MPRIP: variants seen among roughly 807,000 people sequenced by gnomAD.
MPRIP encodes myosin phosphatase Rho interacting protein.
In MPRIP, 59 loss-of-function variants were observed where a neutral mutation model predicts 234.9. The observed-to-expected ratio is 0.25, with a 90% CI of 0.20 to 0.31. MPRIP has a LOEUF of 0.31. Ranked by LOEUF, MPRIP falls within the 10% of genes least tolerant of loss-of-function variation. The pLI is 1.00. For synonymous variants in MPRIP, 1,144 were observed against 1,263.9 expected, an observed-to-expected ratio of 0.91 and a Z score of 2.01; for missense variants, 2,436 against 3,071.0, an observed-to-expected ratio of 0.79 and a Z score of 4.89.
chr17:17,184,729 C>T (rs1483042417), intron 23 of MPRIP, 94 bp from the exon 24 acceptor site: 12 of 907,920 alleles, frequency 1.3e-5, no homozygotes, highest in South Asian at 4.4e-5. Flanking sequence ...TGACTGATGC[C>T]GGCTCCACCA....
intron 11 of MPRIP, among the ~76,000 whole-genome samples, chr17:17,147,620 G>T (rs988212270): frequency 6.6e-6 from 1 of 152,218 alleles, no homozygotes; most frequent in Admixed American, 6.5e-5. Context: ...TCATTTTCCT[G>T]GCTGTGATGC....
intron 3 of MPRIP, among the ~76,000 whole-genome samples, chr17:17,080,316 A>G (rs2089433277): frequency 6.6e-6 from 1 of 152,218 alleles, no homozygotes. Flanking sequence ...TGCTCCTCAG[A>G]GCCACTCCCC....
rs1263276536 is a variant in MPRIP, at chr17:17,143,625, A to G, written c.1459A>G (p.Arg487Gly). Residue 487 changes from arginine to glycine, a missense_variant, in exon 9 of 24, where the codon AGA becomes GGA. By Grantham distance (125) the Arg-to-Gly change is moderately radical. This residue lies in a region of MPRIP where 1,998 missense variants were observed against 2,520.3 expected (regional missense o/e 0.79). Coordinates refer to ENST00000651222, the MANE Select transcript of MPRIP (RefSeq NM_001364716.4). ...ASASPLSPHR[R>G]AKSLDRRSTE... Reference sequence around the variant, plus strand: ...GGCTTCCCCCCTGTCTCCACACCGAAGAGCCAAGTCACTGGACAGGAGGTC... The same window carrying G: ...GGCTTCCCCCCTGTCTCCACACCGAGGAGCCAAGTCACTGGACAGGAGGTC... The G allele has an allele frequency of 6.2e-7, 1 of 1,606,346 alleles. No homozygotes were observed. Among genetic ancestry groups the G allele is most frequent in the African/African-American group, 1.3e-5 (1 of 74,672 alleles).
chr17:17,047,025 A>G (rs935282843), intron 1 of MPRIP, among the ~76,000 whole-genome samples: 1 of 152,094 alleles, frequency 6.6e-6, no homozygotes, highest in African/African-American at 2.4e-5. Context: ...TAAAAATACA[A>G]AAACTAGCTG....
chr17:17,164,396 C>T lies in MPRIP; in HGVS notation c.2805C>T (p.Arg935=), dbSNP rs1487281563. ...TGAAGCGGGAGCAGGGCCGGGTCCG[C>T]GAGCAGCTGGAGGAGCGGCAACACA... The part of the protein sequence containing the change: ...GDLKREQGRV[R]EQLEERQHSE... The change falls in exon 16 of 24, where the codon CGC becomes CGT. Residue 935 remains arginine, a synonymous_variant. Coordinates refer to ENST00000651222, the MANE Select transcript of MPRIP (RefSeq NM_001364716.4). 2.3e-5 allele frequency: 29 copies of T among 1,288,120 alleles called. No individual in the cohort carries two copies. The highest frequency in any genetic ancestry group is 3.0e-5 in the African/African-American group (2 of 65,622). 79.8% of individuals were successfully genotyped at this position (1,288,120 alleles called of 1,614,324 possible). A position where few individuals can be genotyped will look rare whatever the true frequency, so the allele number is the denominator to read the frequency against.
chr17:17,159,339 G>A (rs931844366), intron 14 of MPRIP, among the ~76,000 whole-genome samples: 6 of 152,358 alleles, frequency 3.9e-5, no homozygotes, highest in Non-Finnish European at 7.3e-5. Context: ...GGCGCGAGCA[G>A]GGCAAGGCTT....
chr17:17,179,984 T>C lies in MPRIP; in HGVS notation c.7121-19T>C, dbSNP rs2046338402. The C allele has an allele frequency of 6.3e-7, 1 of 1,579,830 alleles. No individual in the cohort carries two copies. Among genetic ancestry groups the C allele is most frequent in the Non-Finnish European group, 8.6e-7 (1 of 1,162,422 alleles). On this transcript the variant is annotated intron_variant, in intron 22 of 23. Transcript: ENST00000651222. ...AAAGCAAAGGTAACAGGTCTGTTTG[T>C]TTTCATTATATACCGCAGATATAAT...
chr17:17,140,520 A>G (rs2090790546), intron 7 of MPRIP, among the ~76,000 whole-genome samples: 1 of 152,076 alleles, frequency 6.6e-6, no homozygotes, highest in Non-Finnish European at 1.5e-5. Context: ...GCTTGGTTGG[A>G]TTCCTGTCCC....
intron 13 of MPRIP, among the ~76,000 whole-genome samples, chr17:17,155,108 C>T (rs1028343583): frequency 2.6e-5 from 4 of 152,214 alleles, no homozygotes; most frequent in South Asian, 2.1e-4. Context: ...AGAGCCTCCA[C>T]GCATCTGAGC....
chr17:17,106,559 T>A (rs2090066651), intron 3 of MPRIP, among the ~76,000 whole-genome samples: 1 of 151,756 alleles, frequency 6.6e-6, no homozygotes. Flanking sequence ...CCTCTCCTCC[T>A]TCCAGAACCG....
intron 20 of MPRIP, 92 bp downstream of exon 20, chr17:17,175,504 G>A: frequency 7.0e-7 from 1 of 1,420,476 alleles, no homozygotes; most frequent in Non-Finnish European, 9.3e-7. Flanking sequence ...AGGGTTGTGG[G>A]AGGAACAGAC....
intron 15 of MPRIP, 48 bp from the exon 16 acceptor site, chr17:17,164,061 C>G: frequency 7.9e-7 from 1 of 1,264,288 alleles, no homozygotes; most frequent in Non-Finnish European, 1.0e-6. Context: ...ACACTCAGAA[C>G]TGGGAGGCCC....
intron 13 of MPRIP, among the ~76,000 whole-genome samples, chr17:17,156,010 G>A (rs1309535230): frequency 6.6e-6 from 1 of 152,264 alleles, no homozygotes; most frequent in Non-Finnish European, 1.5e-5. Flanking sequence ...GCTATTGGCA[G>A]CAGACAGAGC....
At chr17:17,147,480 G>A in intron 11 of MPRIP, 93 bp downstream of exon 11, 3 of 1,216,976 alleles carry the variant, frequency 2.5e-6, no homozygotes, top group South Asian at 2.4e-5. Flanking sequence ...CTGGGCTAAT[G>A]TCCCCACTTC....
At chr17:17,170,788 A>G (rs1033387918) in intron 16 of MPRIP, 4 of 152,132 alleles carry the variant, frequency 2.6e-5, no homozygotes, top group Non-Finnish European at 5.9e-5. Flanking sequence ...TCCGTGCTCA[A>G]AATAGCTGCA....
At chr17:17,119,363 G>T (rs764408214) in intron 3 of MPRIP, among the ~76,000 whole-genome samples, 1 of 152,264 alleles carries the variant, frequency 6.6e-6, no homozygotes, top group Non-Finnish European at 1.5e-5. Context: ...CGTGGTCCAG[G>T]CTGGGTAGCC....
chr17:17,160,191 C>T (rs1042544002), intron 14 of MPRIP, among the ~76,000 whole-genome samples: 2 of 152,070 alleles, frequency 1.3e-5, no homozygotes, highest in African/African-American at 4.8e-5. Context: ...CATGGTGAAA[C>T]CCCGTCTCTA....
At chr17:17,162,286 C>T (rs572350210) in intron 15 of MPRIP, among the ~76,000 whole-genome samples, 42 of 152,294 alleles carry the variant, frequency 2.8e-4, no homozygotes, top group African/African-American at 9.9e-4. Context: ...CCCAGTGATC[C>T]CTGAGGGCCC....
chr17:17,142,805 G>A (rs763210949), intron 8 of MPRIP, 40 bp downstream of exon 8: 16 of 1,601,832 alleles, frequency 1.0e-5, no homozygotes, highest in South Asian at 5.6e-5. Context: ...GGGGTGGCTC[G>A]GGGGCGGGTC....
Sources: allele counts gnomAD v4.1 joint callset (sites outside exome capture counted in the v4.1 genomes callset), GRCh38; gene constraint gnomAD v4.1.1; regional missense constraint gnomAD v4.1.1; transcripts MANE v1.5; gene names NCBI Gene and HGNC (gene_info 2026-07-23, HGNC 2026-07-21).